HIRIP3: variants seen among roughly 807,000 people sequenced by gnomAD.
HIRIP3 encodes the protein HIRA interacting protein 3, also known as HIRA-interacting protein 3.
Under a neutral mutation model 50.3 loss-of-function variants are expected in HIRIP3, and 40 were observed. The observed-to-expected ratio is 0.79, with a 90% CI of 0.62 to 1.03. The LOEUF is 1.03. HIRIP3 is among the 50% of genes least tolerant of loss of function. The pLI, the probability that HIRIP3 is intolerant of heterozygous loss-of-function variation, is 0.00. For synonymous variants in HIRIP3, 318 were observed against 261.6 expected (o/e 1.22, Z -2.08); for missense variants, 765 against 705.4 (o/e 1.08, Z -0.96).
In HIRIP3 at chr16:29,994,581, A is replaced by C. The variant is rs1019037181; in HGVS notation, c.564T>G (p.Ser188Arg). The C allele has an allele frequency of 4.1e-5, 66 of 1,613,424 alleles. No homozygotes were observed. The highest frequency in any genetic ancestry group is 5.4e-5 in the Non-Finnish European group (64 of 1,179,882). Residue 188 changes from serine to arginine, a missense_variant, in exon 4 of 7, where the codon AGT becomes AGG. Transcript: ENST00000279392. ...KKQAPGKASV[S>R]RKQAREESEE... The stretch of plus-strand genomic sequence containing the variant: ...CACTTTCTTCCCTGGCCTGCTTCCT[A>C]CTGACTGAGGCCTTGCCTGGTGCCT...
rs774189583 is a variant in HIRIP3 at position 29,994,523 on chromosome 16, C to G, written c.622G>C (p.Ala208Pro). 4 of 1,614,208 alleles carry G rather than the reference C, an allele frequency of 2.5e-6. No homozygotes were observed. Among genetic ancestry groups the G allele is most frequent in the African/African-American group, 2.7e-5 (2 of 75,044 alleles). Residue 208 changes from alanine to proline, a missense_variant, in exon 4 of 7, where the codon GCA becomes CCA. By Grantham distance (27) the Ala-to-Pro change is conservative (BLOSUM62 -1). Coordinates refer to ENST00000279392, the MANE Select transcript of HIRIP3 (RefSeq NM_003609.5). ...CCTTTATTTCCCTCCACCTTCTTTG[C>G]TGTCCTCTGAACGGGTTCTGCCTCG... ...ESEAEPVQRT[A>P]KKVEGNKGTK...
In HIRIP3 at chr16:29,993,255, G is replaced by T. The variant is rs1474459252; in HGVS notation, c.1623C>A (p.Asp541Glu). Residue 541 changes from aspartate to glutamate, a missense_variant, in exon 7 of 7, where the codon GAC becomes GAA. Asp to Glu is a conservative substitution (Grantham distance 45, BLOSUM62 2). Coordinates refer to ENST00000279392, the MANE Select transcript of HIRIP3 (RefSeq NM_003609.5). ...DEERPRPAPPDWSHMRGIISS... is the reference protein window; with the variant it reads ...DEERPRPAPPEWSHMRGIISS... ...TGATGATGCCACGCATATGTGACCA[G>T]TCTGGGGGTGCGGGACGGGGCCGCT... is the stretch of plus-strand genomic sequence containing the variant. 3 of 1,576,630 alleles carry T rather than the reference G, an allele frequency of 1.9e-6. No individual in the cohort carries two copies. The East Asian group carries it at 6.7e-5, about 35-fold the overall frequency.
At position 29,994,243 on chromosome 16, in the gene HIRIP3, C is replaced by G. The variant is rs775025103; in HGVS notation, c.902G>C (p.Ser301Thr). 4.4e-5 allele frequency: 71 copies of G among 1,614,066 alleles called. No individual in the cohort carries two copies. The highest frequency in any genetic ancestry group is 5.5e-5 in the Non-Finnish European group (65 of 1,180,030). ...TCTATCTCTCCCACTGTCATCCCCA[C>G]TGCTGGCTGCCTCTTTCTGCTCTTC... Reference protein sequence around the residue: ...SEEEQKEAASSGDDSGRDREP... With the variant: ...SEEEQKEAASTGDDSGRDREP... The change falls in exon 4 of 7, where the codon AGT (serine) becomes ACT (threonine). Residue 301 changes from serine to threonine, a missense_variant. Transcript: ENST00000279392.
At chr16:29,995,001 G>C in intron 3 of HIRIP3, 102 bp downstream of exon 3, 1 of 1,477,812 alleles carries the variant, frequency 6.8e-7, no homozygotes, top group Non-Finnish European at 9.3e-7. Context: ...CACTAGCCTT[G>C]CTCCCTCATC....
Position 29,994,144 on chromosome 16 carries a change from T to C in HIRIP3, c.1001A>G (p.Glu334Gly), listed in dbSNP as rs1337387159. The change falls in exon 4 of 7, where the codon GAG becomes GGG. Residue 334 changes from glutamate to glycine, a missense_variant. By Grantham distance (98) the Glu-to-Gly change is moderately conservative. Transcript: ENST00000279392. ...CCCCTTCCCACTGTCTTCCTCGTCC[T>C]CGCTGCTTCCACTCAACCTCTTCCC... ...KGGKRLSGSS[E>G]DEEDSGKGEP... The C allele has an allele frequency of 6.2e-7, 1 of 1,614,044 alleles. No homozygotes were observed. Among genetic ancestry groups the C allele is most frequent in the African/African-American group, 1.3e-5 (1 of 74,920 alleles).
rs768150257 is a variant in HIRIP3 at position 29,995,590 on chromosome 16, CCTT to C, written c.13_15del (p.Lys5del). On this transcript the variant is annotated inframe_deletion, in exon 1 of 7. Coordinates refer to ENST00000279392, the MANE Select transcript of HIRIP3 (RefSeq NM_003609.5). ...AAGCTACGGGTGAACTCCTGCATCT[CCTT>C]CTCCCGCGCCATTTTGCTCAACCCG... 6.9e-5 allele frequency: 112 copies of C among 1,612,268 alleles called. No homozygotes were observed. Among genetic ancestry groups the C allele is most frequent in the Non-Finnish European group, 9.3e-5 (110 of 1,180,026 alleles).
upstream of HIRIP3, chr16:29,995,776 T>C (rs2070085876): frequency 2.7e-6 from 2 of 747,270 alleles, no homozygotes; most frequent in African/African-American, 1.8e-5. Context: ...AGACTTGTTT[T>C]CTCTGGGCAG....
chr16:29,995,653 C>T (rs1255582831), upstream of HIRIP3: 1 of 1,601,210 alleles, frequency 6.2e-7, no homozygotes, highest in Non-Finnish European at 8.5e-7. Context: ...TCTTCTCGGC[C>T]TCCGTCAGCG....
upstream of HIRIP3, chr16:29,995,923 C>T: frequency 1.8e-6 from 1 of 570,362 alleles, no homozygotes; most frequent in East Asian, 3.0e-5. Flanking sequence ...TGGTCACGGG[C>T]AACAGCTAGG....
chr16:29,995,636 C>CT (rs761816007), upstream of HIRIP3: 4 of 1,609,814 alleles, frequency 2.5e-6, no homozygotes, highest in Admixed American at 6.7e-5. Flanking sequence ...CGGCTCCCGC[C>CT]TTTTTTTCTT....
chr16:29,992,451 C>CCT lies in HIRIP3; in HGVS notation c.*755_*756insAG, dbSNP rs58217768. Reference sequence around the variant, plus strand: ...GTCTTCAACCCCTTGACCTCTAATTCGTTTTCTTTGCTTTGACTTCAAAGA... The same window carrying CCT: ...GTCTTCAACCCCTTGACCTCTAATTCCTGTTTTCTTTGCTTTGACTTCAAAGA... On this transcript the variant is annotated 3_prime_UTR_variant, in exon 7 of 7. Transcript: ENST00000279392. The CCT allele has an allele frequency of 0.52, 78,285 of 151,786 alleles. 20,419 individuals carry two copies. Among genetic ancestry groups the CCT allele is most frequent in the African/African-American group, 0.57 (23,534 of 41,372 alleles). 9.4% of individuals were successfully genotyped at this position (151,786 alleles called of 1,614,324 possible).
chr16:29,993,863 C>G, intron 4 of HIRIP3, 43 bp downstream of exon 4: 1 of 1,605,402 alleles, frequency 6.2e-7, no homozygotes. Context: ...GGCAGGGTCT[C>G]CCTCTTCCCT....
At position 29,992,465 on chromosome 16, in the gene HIRIP3, T is replaced by C. The variant is rs2069995479; in HGVS notation, c.*742A>G. 6.6e-6 allele frequency: 1 copy of C among 152,248 alleles called. No homozygotes were observed. The highest frequency in any genetic ancestry group is 1.5e-5 in the Non-Finnish European group (1 of 68,046). 9.4% of individuals were successfully genotyped at this position (152,248 alleles called of 1,614,324 possible). On this transcript the variant is annotated 3_prime_UTR_variant, in exon 7 of 7. Coordinates refer to ENST00000279392, the MANE Select transcript of HIRIP3 (RefSeq NM_003609.5). ...GACCTCTAATTCGTTTTCTTTGCTT[T>C]GACTTCAAAGATTCTTAGGTTTGCC...
At position 29,994,200 on chromosome 16, in the gene HIRIP3, C is replaced by T. The variant is rs760357015; in HGVS notation, c.945G>A (p.Arg315=). Residue 315 remains arginine, a synonymous_variant, in exon 4 of 7, where the codon AGG becomes AGA. Coordinates refer to ENST00000279392, the MANE Select transcript of HIRIP3 (RefSeq NM_003609.5). ...TAAGCTGGGTCCTGTCCTCACTCTT[C>T]CTCTGCACTGGGGGTTCTCTATCTC... ...SGRDREPPVQ[R]KSEDRTQLKG... is the part of the protein sequence containing the mutation. 1.2e-6 allele frequency: 2 copies of T among 1,613,996 alleles called. No individual in the cohort carries two copies. The highest frequency in any genetic ancestry group is 2.7e-5 in the African/African-American group (2 of 74,936).
chr16:29,995,345 G>GC lies in HIRIP3; in HGVS notation c.183dup (p.Gln62AlafsTer4). 6.2e-7 allele frequency: 1 copy of GC among 1,610,370 alleles called. No individual in the cohort carries two copies. The highest frequency in any genetic ancestry group is 8.5e-7 in the Non-Finnish European group (1 of 1,178,524). On this transcript the variant is annotated frameshift_variant, in exon 2 of 7. Transcript: ENST00000279392. LOFTEE classifies it high-confidence loss of function. ...GCCCAGGCTCCGGCCCGGCACACCTGCATCTTCAGCAGCTCCTCCTCCACC... is the reference window on the plus strand; with the variant it reads ...GCCCAGGCTCCGGCCCGGCACACCTGCCATCTTCAGCAGCTCCTCCTCCACC...
chr16:29,994,568 T>C lies in HIRIP3; in HGVS notation c.577A>G (p.Arg193Gly), dbSNP rs2070044068. 1 of 1,614,228 alleles carries C rather than the reference T, an allele frequency of 6.2e-7. No individual in the cohort carries two copies. ...GKASVSRKQA[R>G]EESEESEAEP... ...GCCTCGCTCTCCTCACTTTCTTCCC[T>C]GGCCTGCTTCCTACTGACTGAGGCC... Residue 193 changes from arginine (R) to glycine (G), a missense_variant, in exon 4 of 7, where the codon AGG (arginine) becomes GGG (glycine). By Grantham distance (125) the Arg-to-Gly change is moderately radical (BLOSUM62 -2). Coordinates refer to ENST00000279392, the MANE Select transcript of HIRIP3 (RefSeq NM_003609.5).
rs1358518873 is a variant in HIRIP3 at position 29,992,503 on chromosome 16, C to T, written c.*704G>A. ...TCTTAGGTTTGCCTCCCACACAGAC[C>T]CCAGGCAGCTCCATGCTCACGAATC... On this transcript the variant is annotated 3_prime_UTR_variant, in exon 7 of 7. Transcript: ENST00000279392. 1 of 152,166 alleles carries T rather than the reference C, an allele frequency of 6.6e-6. No homozygotes were observed. Among genetic ancestry groups the T allele is most frequent in the Non-Finnish European group, 1.5e-5 (1 of 68,054 alleles). 9.4% of individuals were successfully genotyped at this position (152,166 alleles called of 1,614,324 possible). A position where few individuals can be genotyped will look rare whatever the true frequency, so the allele number is the denominator to read the frequency against.
chr16:29,993,708 C>T lies in HIRIP3; in HGVS notation c.1340G>A (p.Gly447Asp). ...GCGCTCCTTGTGTGAGCAACAGGAG[C>T]CCAACAGCTTCTTGTAGTTTCGATG... ...GAHRNYKKLL[G>D]SCCSHKERLS... Residue 447 changes from glycine to aspartate, a missense_variant, in exon 5 of 7, where the codon GGC becomes GAC. By Grantham distance (94) the Gly-to-Asp change is moderately conservative. Transcript: ENST00000279392. 1 of 1,609,712 alleles carries T rather than the reference C, an allele frequency of 6.2e-7. No homozygotes were observed. Among genetic ancestry groups the T allele is most frequent in the Non-Finnish European group, 8.5e-7 (1 of 1,179,988 alleles).
chr16:29,993,186 C>A lies in HIRIP3; in HGVS notation c.*21G>T. The A allele has an allele frequency of 6.4e-7, 1 of 1,568,460 alleles. No homozygotes were observed. Among genetic ancestry groups the A allele is most frequent in the Non-Finnish European group, 8.6e-7 (1 of 1,157,994 alleles). On this transcript the variant is annotated 3_prime_UTR_variant, in exon 7 of 7. Transcript: ENST00000279392. ...TATGCTTTGTACATGTATCAAGGGTCCCTCCTGGGGGTGGCAGAGCTCAGT... is the reference window on the plus strand; with the variant it reads ...TATGCTTTGTACATGTATCAAGGGTACCTCCTGGGGGTGGCAGAGCTCAGT...
Sources: allele counts gnomAD v4.1 joint callset, GRCh38; gene constraint gnomAD v4.1.1; transcripts MANE v1.5; gene names NCBI Gene and HGNC (gene_info 2026-07-23, HGNC 2026-07-21).